SBNO2: variants seen among roughly 807,000 people sequenced by gnomAD.
SBNO2 encodes the protein strawberry notch homolog 2, also known as protein strawberry notch homolog 2.
A neutral mutation model predicts 146.3 loss-of-function variants in SBNO2; 89 were observed. The observed-to-expected ratio is 0.61, with a 90% confidence interval of 0.51 to 0.73. The LOEUF is 0.73. Among genes scored for constraint, SBNO2 ranks in the 30% least tolerant of loss-of-function variants. SBNO2 has a pLI of 0.00. For synonymous variants in SBNO2, 1,147 were observed against 892.6 expected, an observed-to-expected ratio of 1.29 and a Z score of -5.08; for missense variants, 2,092 against 2,003.7, an observed-to-expected ratio of 1.04 and a Z score of -0.84.
In SBNO2 at chr19:1,111,598, A is replaced by G; in HGVS notation, c.2717T>C (p.Leu906Pro). The G allele has an allele frequency of 6.3e-7, 1 of 1,589,086 alleles. No individual in the cohort carries two copies. Among genetic ancestry groups the G allele is most frequent in the Non-Finnish European group, 8.6e-7 (1 of 1,168,066 alleles). Residue 906 changes from leucine (L) to proline (P), a missense_variant, in exon 24 of 32, where the codon CTG becomes CCG. Coordinates refer to ENST00000361757, the MANE Select transcript of SBNO2 (RefSeq NM_014963.3). ...CAGGATGGTGGTGAGGACACAGTGC[A>G]GGGCCCGGGTGCCATACTAGGGGGA... ...NFENKYGTRA[L>P]HCVLTTILSQ...
At chr19:1,117,624 G>A in intron 14 of SBNO2, 125 bp from the exon 15 acceptor site, 5 of 938,026 alleles carry the variant, frequency 5.3e-6, no homozygotes, top group Non-Finnish European at 7.8e-6. Flanking sequence ...GGGCAGGATG[G>A]GGGTGCTGGG....
At chr19:1,162,219 G>T (rs1453182092) in intron 1 of SBNO2, among the ~76,000 whole-genome samples, 1 of 137,454 alleles carries the variant, frequency 7.3e-6, no homozygotes, top group Admixed American at 7.5e-5. Flanking sequence ...CAGCACTTTG[G>T]GAGGCCAAGG....
intron 1 of SBNO2, among the ~76,000 whole-genome samples, chr19:1,155,905 C>T (rs2080286007): frequency 6.6e-6 from 1 of 152,204 alleles, no homozygotes; most frequent in African/African-American, 2.4e-5. Context: ...GCACCCCTTC[C>T]TGCTGCAGGT....
At chr19:1,125,410 C>T (rs1284979170) in intron 5 of SBNO2, among the ~76,000 whole-genome samples, 1 of 150,568 alleles carries the variant, frequency 6.6e-6, no homozygotes. Context: ...GTGGCTCACG[C>T]CTGTAATCCC....
chr19:1,113,477 A>T, intron 19 of SBNO2, 58 bp downstream of exon 19: 1 of 1,407,540 alleles, frequency 7.1e-7, no homozygotes. Flanking sequence ...GCCTGCGTGA[A>T]GCCCCACCCA....
chr19:1,152,309 A>G (rs990341385), intron 2 of SBNO2, among the ~76,000 whole-genome samples: 3 of 151,876 alleles, frequency 2.0e-5, no homozygotes, highest in African/African-American at 7.3e-5. Flanking sequence ...TTATTTCCCC[A>G]CCGTAGAGCC....
At chr19:1,134,636 G>A (rs1381846628) in intron 4 of SBNO2, among the ~76,000 whole-genome samples, 4 of 152,222 alleles carry the variant, frequency 2.6e-5, no homozygotes, top group Non-Finnish European at 5.9e-5. Context: ...GTTATCAGGG[G>A]GTGGGGATGG....
rs139833091 is a variant in SBNO2 at position 1,152,024 on chromosome 19, G to A, written c.93+2160C>T. Among the ~76,000 whole-genome samples, 385 of 152,076 alleles carry A rather than the reference G, an allele frequency of 2.5e-3. 1 individual carries two copies. The highest frequency in any genetic ancestry group is 4.4e-3 in the Non-Finnish European group (298 of 67,960). On this transcript the variant is annotated intron_variant, in intron 2 of 31. Transcript: ENST00000361757. ...GGAAGAGGCTGGGCTGTGCGTGTGCGAACTCAGTCGACCCTGCCCAGAGGT... is the reference window on the plus strand; with the variant it reads ...GGAAGAGGCTGGGCTGTGCGTGTGCAAACTCAGTCGACCCTGCCCAGAGGT...
chr19:1,155,546 G>A (rs565191518), intron 1 of SBNO2, among the ~76,000 whole-genome samples: 1 of 152,324 alleles, frequency 6.6e-6, no homozygotes, highest in South Asian at 2.1e-4. Context: ...GGCCCTTTAG[G>A]GGAAGGGACA....
At chr19:1,113,072 T>G (rs2079786421) in intron 19 of SBNO2, 123 bp from the exon 20 acceptor site, 2 of 1,151,896 alleles carry the variant, frequency 1.7e-6, no homozygotes, top group Non-Finnish European at 1.2e-6. Flanking sequence ...GCACGGGAGG[T>G]GGGGGTGCTG....
At chr19:1,159,184 G>C (rs1354518970) in intron 1 of SBNO2, among the ~76,000 whole-genome samples, 2 of 150,884 alleles carry the variant, frequency 1.3e-5, no homozygotes, top group African/African-American at 5.0e-5. Context: ...CGCATCCTAG[G>C]ACCGGGTGCA....
intron 16 of SBNO2, among the ~76,000 whole-genome samples, chr19:1,116,594 A>G (rs2079834872): frequency 6.6e-6 from 1 of 152,152 alleles, no homozygotes; most frequent in Non-Finnish European, 1.5e-5. Context: ...AGACCCCTGG[A>G]GACCATGTCC....
intron 4 of SBNO2, chr19:1,132,319 C>A: frequency 7.7e-6 from 10 of 1,294,962 alleles, no homozygotes; most frequent in Non-Finnish European, 8.8e-6. Flanking sequence ...AAGGCCGGGG[C>A]TGACTTTCAG....
Position 1,108,457 on chromosome 19 carries a change from G to A in SBNO2, c.3864C>T (p.Val1288=). ...APLSLDAGPG[V]VPLGTPDAQA... is the part of the protein sequence containing the mutation. ...GGGCGTCGGGGGTGCCCAGCGGCAC[G>A]ACGCCGGGGCCGGCGTCCAGGGACA... Residue 1288 remains valine, a synonymous_variant, in exon 32 of 32, where the codon GTC becomes GTT. Coordinates refer to ENST00000361757, the MANE Select transcript of SBNO2 (RefSeq NM_014963.3). The A allele has an allele frequency of 2.4e-6, 3 of 1,233,724 alleles. No homozygotes were observed. The highest frequency in any genetic ancestry group is 4.7e-5 in the South Asian group (2 of 43,000). 76.4% of individuals were successfully genotyped at this position (1,233,724 alleles called of 1,614,324 possible).
chr19:1,127,886 G>C (rs1005066161), intron 4 of SBNO2, 121 bp from the exon 5 acceptor site: 8 of 888,608 alleles, frequency 9.0e-6, no homozygotes, highest in Non-Finnish European at 1.1e-5. Flanking sequence ...ATGTGGGAAT[G>C]GGAGACACCA....
chr19:1,132,358 C>A, intron 4 of SBNO2: 2 of 1,187,694 alleles, frequency 1.7e-6, no homozygotes, highest in South Asian at 4.9e-5. Context: ...TAAGTCAGGG[C>A]AATTACCGGC....
Position 1,112,738 on chromosome 19 carries a change from C to T in SBNO2, c.2379+80G>A. On this transcript the variant is annotated intron_variant, in intron 20 of 31. Coordinates refer to ENST00000361757, the MANE Select transcript of SBNO2 (RefSeq NM_014963.3). This position sits in a 1 kb window ranked among gnomAD's most constrained non-coding sequence, Gnocchi z 5.9. ...ACACACACTCCAGAAGTGCGCGGGTCCACAGTCCCCGGGGACCCTTGGGCC... is the reference window on the plus strand; with the variant it reads ...ACACACACTCCAGAAGTGCGCGGGTTCACAGTCCCCGGGGACCCTTGGGCC... 3 of 1,484,750 alleles carry T rather than the reference C, an allele frequency of 2.0e-6. No individual in the cohort carries two copies. The highest frequency in any genetic ancestry group is 2.7e-6 in the Non-Finnish European group (3 of 1,115,360). The allele number at this position is 1,484,750 out of a possible 1,614,324, so 92.0% of individuals were successfully genotyped here.
chr19:1,170,010 AC>A (rs112839997), intron 1 of SBNO2, among the ~76,000 whole-genome samples: 3 of 151,710 alleles, frequency 2.0e-5, no homozygotes, highest in Non-Finnish European at 2.9e-5. Flanking sequence ...CCACACGTCT[AC>A]CCCCCATCTG....
intron 2 of SBNO2, among the ~76,000 whole-genome samples, chr19:1,153,662 C>T (rs1358481287): frequency 3.3e-5 from 5 of 151,986 alleles, no homozygotes; most frequent in South Asian, 2.1e-4. Flanking sequence ...CTCAGCCTCC[C>T]GAGTAGCTGG....
Sources: gnomAD v4.1 joint callset for allele counts (sites outside exome capture counted in the v4.1 genomes callset) on GRCh38, gnomAD v4.1.1 for gene constraint, Gnocchi (gnomAD v3.1) non-coding constraint, MANE v1.5 for transcripts, NCBI Gene and HGNC (gene_info 2026-07-23, HGNC 2026-07-21) for gene names.